FRAS1: variants seen among roughly 807,000 people sequenced by gnomAD.
FRAS1 encodes Fraser extracellular matrix complex subunit 1, also known as extracellular matrix organizing protein FRAS1.
Under a neutral mutation model 435.2 loss-of-function variants are expected in FRAS1, and 290 were observed. The observed-to-expected ratio is 0.67, with a 90% CI of 0.61 to 0.73. The LOEUF is 0.73. Among genes scored for constraint, FRAS1 ranks in the 30% least tolerant of loss-of-function variants. The pLI is 0.00. For synonymous variants in FRAS1, 1,800 were observed against 1,851.0 expected, an observed-to-expected ratio of 0.97 and a Z score of 0.71; for missense variants, 4,860 against 5,001.5, an observed-to-expected ratio of 0.97 and a Z score of 0.85.
intron 58 of FRAS1, among the ~76,000 whole-genome samples, chr4:78,483,800 A>ATATATATATATATATATATATC (rs1720089580): frequency 8.6e-6 from 1 of 115,872 alleles, no homozygotes; most frequent in Non-Finnish European, 1.9e-5. Context: ...ATATATATAA[A>ATATATATATATATATATATATC]ATTATGTATG....
At chr4:78,520,259 T>G (rs1315067200) in intron 67 of FRAS1, among the ~76,000 whole-genome samples, 4 of 112,104 alleles carry the variant, frequency 3.6e-5, no homozygotes, top group Non-Finnish European at 6.9e-5. Flanking sequence ...TTTTCTTGTT[T>G]TTTTTTTTTT....
Position 78,541,415 on chromosome 4 carries a change from G to T in FRAS1, c.*291G>T. Reference sequence around the variant, plus strand: ...AAACAAGTACTTTAGTATCAGGACAGGAGTTGAACAATTAGGTTAGCAGAT... The same window carrying T: ...AAACAAGTACTTTAGTATCAGGACATGAGTTGAACAATTAGGTTAGCAGAT... On this transcript the variant is annotated 3_prime_UTR_variant, in exon 74 of 74. Coordinates refer to ENST00000512123, the MANE Select transcript of FRAS1 (RefSeq NM_025074.7). 4.4e-6 allele frequency: 1 copy of T among 227,780 alleles called. No homozygotes were observed. The highest frequency in any genetic ancestry group is 8.7e-5 in the East Asian group (1 of 11,494). 14.1% of individuals were successfully genotyped at this position (227,780 alleles called of 1,614,324 possible).
At position 78,125,322 on chromosome 4, in the gene FRAS1, AT is replaced by A. The variant is rs1469465464; in HGVS notation, c.108+59308del. Among the ~76,000 whole-genome samples the A allele has an allele frequency of 7.2e-5, 11 of 152,110 alleles. No individual in the cohort carries two copies. In the East Asian group the frequency reaches 2.1e-3, roughly 29 times the overall value. On this transcript the variant is annotated intron_variant, in intron 2 of 73. Transcript: ENST00000512123. The stretch of plus-strand genomic sequence containing the variant: ...TTTTGAGTGAGATTCTTAATCCTGA[AT>A]TCTAATTTGATTGCACTGTGGTCTC...
At chr4:78,427,710 G>A (rs535657396) in intron 35 of FRAS1, among the ~76,000 whole-genome samples, 1 of 152,308 alleles carries the variant, frequency 6.6e-6, no homozygotes, top group African/African-American at 2.4e-5. Context: ...ATTCTCACAT[G>A]GATAATGTCG....
At chr4:78,061,918 G>A (rs1739777052) in intron 1 of FRAS1, among the ~76,000 whole-genome samples, 1 of 152,190 alleles carries the variant, frequency 6.6e-6, no homozygotes, top group African/African-American at 2.4e-5. Flanking sequence ...GTATGGAAAC[G>A]TTAGATGATG....
chr4:78,221,504 A>T (rs1382642950), intron 2 of FRAS1, among the ~76,000 whole-genome samples: 1 of 152,206 alleles, frequency 6.6e-6, no homozygotes, highest in Non-Finnish European at 1.5e-5. Flanking sequence ...TTCCATGTTT[A>T]TAAGATCTAA....
At chr4:78,121,414 G>C (rs1034578504) in intron 2 of FRAS1, among the ~76,000 whole-genome samples, 7 of 152,190 alleles carry the variant, frequency 4.6e-5, no homozygotes, top group Non-Finnish European at 1.0e-4. Flanking sequence ...GTAACCCAGT[G>C]AGAACCCTGA....
chr4:78,183,198 A>G (rs1030600468), intron 2 of FRAS1, among the ~76,000 whole-genome samples: 9 of 152,196 alleles, frequency 5.9e-5, no homozygotes, highest in Non-Finnish European at 8.8e-5. Flanking sequence ...CATCTTCCAC[A>G]GGTGCAGTTT....
intron 27 of FRAS1, among the ~76,000 whole-genome samples, chr4:78,383,072 T>G (rs10033307): frequency 0.78 from 117,928 of 152,156 alleles, 46,456 homozygotes; most frequent in African/African-American, 0.91. Context: ...TATCTTACCA[T>G]TCAGCAGCGA....
chr4:78,140,227 A>G (rs1339182051), intron 2 of FRAS1, among the ~76,000 whole-genome samples: 1 of 152,182 alleles, frequency 6.6e-6, no homozygotes, highest in African/African-American at 2.4e-5. Context: ...CCAAGAGAAC[A>G]TTATTACATC....
chr4:78,237,460 T>A (rs943101588), intron 2 of FRAS1, 50 bp from the exon 3 acceptor site: 1 of 1,312,702 alleles, frequency 7.6e-7, no homozygotes, highest in African/African-American at 1.5e-5. Flanking sequence ...TTTTGTGTGC[T>A]CATACCTTGA....
chr4:78,402,545 G>C (rs1732931835), intron 30 of FRAS1, among the ~76,000 whole-genome samples: 1 of 152,032 alleles, frequency 6.6e-6, no homozygotes, highest in African/African-American at 2.4e-5. Flanking sequence ...AAAACATTTA[G>C]ACTAAACAGT....
At chr4:78,483,593 T>G (rs1720076430) in intron 58 of FRAS1, among the ~76,000 whole-genome samples, 1 of 151,910 alleles carries the variant, frequency 6.6e-6, no homozygotes, top group Non-Finnish European at 1.5e-5. Context: ...TTTTATTTAT[T>G]CTTAAATCAT....
chr4:78,110,412 A>G lies in FRAS1; in HGVS notation c.108+44396A>G, dbSNP rs1246351532. 1.2e-4 allele frequency among the ~76,000 whole-genome samples: 14 copies of G among 117,384 alleles called. 3 individuals are homozygous for G. The East Asian group carries it at 3.0e-3, about 25-fold the overall frequency. 77.0% of individuals were successfully genotyped at this position (117,384 alleles called of 152,430 possible). ...TGGTACCAAAACAGAGATATAGATC[A>G]ATGGAACAGAACAGAGCCCTCAGAA... On this transcript the variant is annotated intron_variant, in intron 2 of 73. Transcript: ENST00000512123.
chr4:78,222,477 G>T (rs1205057728), intron 2 of FRAS1, among the ~76,000 whole-genome samples: 2 of 152,226 alleles, frequency 1.3e-5, no homozygotes, highest in Non-Finnish European at 2.9e-5. Flanking sequence ...AGGGCAGAAA[G>T]AAAGGCTAAA....
chr4:78,307,152 G>A (rs1489615677), intron 14 of FRAS1, among the ~76,000 whole-genome samples: 2 of 152,178 alleles, frequency 1.3e-5, no homozygotes, highest in African/African-American at 4.8e-5. Context: ...CCCCTGCTGG[G>A]GGGTGCCTCC....
Position 78,324,244 on chromosome 4 carries a change from C to G in FRAS1, c.2137+5258C>G, listed in dbSNP as rs545370511. Among the ~76,000 whole-genome samples, 9 of 152,202 alleles carry G rather than the reference C, an allele frequency of 5.9e-5. No homozygotes were observed. In the South Asian group the frequency reaches 6.2e-4, roughly 11 times the overall value. On this transcript the variant is annotated intron_variant, in intron 18 of 73. Coordinates refer to ENST00000512123, the MANE Select transcript of FRAS1 (RefSeq NM_025074.7). ...AAATTTGATTTAGCAAATAAAAATT[C>G]AGGCTTTAGCAAGTTTTAAAAAATG... is the stretch of plus-strand genomic sequence containing the variant.
intron 2 of FRAS1, among the ~76,000 whole-genome samples, chr4:78,179,107 G>C (rs1721897753): frequency 6.6e-6 from 1 of 152,174 alleles, no homozygotes; most frequent in Non-Finnish European, 1.5e-5. Flanking sequence ...AGAGAATGAT[G>C]AAGTATTCCT....
chr4:78,139,627 G>A (rs746528187), intron 2 of FRAS1, among the ~76,000 whole-genome samples: 3 of 152,146 alleles, frequency 2.0e-5, no homozygotes, highest in African/African-American at 4.8e-5. Flanking sequence ...TAGTGGAAAA[G>A]AGTCTGGGTT....
Sources: allele counts gnomAD v4.1 joint callset (sites outside exome capture counted in the v4.1 genomes callset), GRCh38; gene constraint gnomAD v4.1.1; transcripts MANE v1.5; gene names NCBI Gene and HGNC (gene_info 2026-07-23, HGNC 2026-07-21).